NTM: variants seen among roughly 807,000 people sequenced by gnomAD.
The protein encoded by NTM is neurotrimin.
NTM carries 13 observed loss-of-function variants against 42.1 expected under a neutral mutation model. That is an observed-to-expected ratio of 0.31 (90% CI 0.20 to 0.49). The LOEUF (loss-of-function observed/expected upper bound fraction) is 0.49, where lower values mean the gene tolerates loss of function less well. NTM is among the 20% of genes least tolerant of loss of function. The pLI is 0.99. For missense variants in NTM, 373 were observed against 452.8 expected, an observed-to-expected ratio of 0.82 and a Z score of 1.60; for synonymous variants, 187 against 179.2, an observed-to-expected ratio of 1.04 and a Z score of -0.35.
At chr11:131,605,710 C>T (rs746476771) in intron 1 of NTM, 27 of 825,364 alleles carry the variant, frequency 3.3e-5, no homozygotes, top group Non-Finnish European at 3.9e-5. Flanking sequence ...GAGGACGTTT[C>T]TTTCTATTCC....
intron 7 of NTM, among the ~76,000 whole-genome samples, chr11:132,315,619 A>C (rs1040641844): frequency 2.6e-5 from 4 of 152,192 alleles, no homozygotes; most frequent in Non-Finnish European, 5.9e-5. Flanking sequence ...GCAAGAACAC[A>C]AATTCCTTAT....
chr11:131,390,940 G>T (rs1275998665), intron 1 of NTM, among the ~76,000 whole-genome samples: 1 of 152,150 alleles, frequency 6.6e-6, no homozygotes, highest in Non-Finnish European at 1.5e-5. Flanking sequence ...TGCTCACTCA[G>T]GGTTCGTATG....
chr11:131,743,963 C>G (rs1329870406), intron 1 of NTM, among the ~76,000 whole-genome samples: 1 of 152,168 alleles, frequency 6.6e-6, no homozygotes, highest in Non-Finnish European at 1.5e-5. Context: ...TACCAATAAT[C>G]TATCATCAAA....
intron 1 of NTM, among the ~76,000 whole-genome samples, chr11:131,408,139 C>G (rs1459626800): frequency 1.3e-5 from 2 of 152,206 alleles, no homozygotes; most frequent in African/African-American, 4.8e-5. Flanking sequence ...TTATTAATCA[C>G]TGGGTCACTC....
intron 2 of NTM, among the ~76,000 whole-genome samples, chr11:132,026,910 C>T (rs1278128727): frequency 3.3e-5 from 5 of 152,166 alleles, no homozygotes; most frequent in African/African-American, 1.2e-4. Context: ...TTGTTTCTAT[C>T]CTCATGTTCC....
chr11:131,602,504 G>A (rs775105474), intron 1 of NTM, among the ~76,000 whole-genome samples: 24 of 152,134 alleles, frequency 1.6e-4, no homozygotes, highest in Middle Eastern at 3.2e-3. Flanking sequence ...AGTTCCCAGT[G>A]TTTTCCTGGC....
chr11:131,663,299 C>T (rs372448944), intron 1 of NTM: 3 of 152,378 alleles, frequency 2.0e-5, no homozygotes, highest in South Asian at 4.1e-4. Context: ...AAACGCCTGG[C>T]CCCGTCGCTG....
intron 1 of NTM, among the ~76,000 whole-genome samples, chr11:131,894,855 C>A (rs111859525): frequency 6.6e-6 from 1 of 152,318 alleles, no homozygotes; most frequent in Non-Finnish European, 1.5e-5. Flanking sequence ...CTTTCTCTGT[C>A]AGCCTTGCTT....
At position 132,307,830 on chromosome 11, in the gene NTM, G is replaced by A. The variant is rs745473757; in HGVS notation, c.661+7G>A. ...GTAAAGGTCACCGTGAACTGTAAGT[G>A]TTCTCACCACCACGCGCCCTGCACG... On this transcript the variant is annotated splice_region_variant and intron_variant, in intron 5 of 8. Transcript: ENST00000683400. 1.2e-6 allele frequency: 2 copies of A among 1,613,842 alleles called. No individual in the cohort carries two copies. Among genetic ancestry groups the A allele is most frequent in the African/African-American group, 2.7e-5 (2 of 74,934 alleles).
rs1280073576 is a variant in NTM at position 132,146,486 on chromosome 11, G to C, written c.372G>C (p.Lys124Asn). 1 of 1,614,064 alleles carries C rather than the reference G, an allele frequency of 6.2e-7. No individual in the cohort carries two copies. Among genetic ancestry groups the C allele is most frequent in the Non-Finnish European group, 8.5e-7 (1 of 1,180,034 alleles). ...CGGTGCAGACAGACAACCACCCAAA[G>C]ACCTCTAGGGTCCACCTCATTGTGC... ...TCSVQTDNHPKTSRVHLIVQV... is the reference protein window; with the variant it reads ...TCSVQTDNHPNTSRVHLIVQV... The change falls in exon 3 of 9, where the codon AAG (lysine) becomes AAC (asparagine). Residue 124 changes from lysine to asparagine, a missense_variant. Coordinates refer to ENST00000683400, the MANE Select transcript of NTM (RefSeq NM_001352005.2). This position sits in a 1 kb window ranked among gnomAD's most constrained non-coding sequence, Gnocchi z 4.5.
chr11:131,726,063 G>A (rs1048688354), intron 1 of NTM, among the ~76,000 whole-genome samples: 16 of 152,178 alleles, frequency 1.1e-4, no homozygotes, highest in African/African-American at 3.4e-4. Context: ...CCCTCCCAGA[G>A]GAGGTAGATT....
At chr11:131,956,732 G>T (rs1410782404) in intron 2 of NTM, among the ~76,000 whole-genome samples, 1 of 152,106 alleles carries the variant, frequency 6.6e-6, no homozygotes, top group Non-Finnish European at 1.5e-5. Flanking sequence ...TAGCCAGGTA[G>T]CTTGCCAGGG....
intron 1 of NTM, among the ~76,000 whole-genome samples, chr11:131,461,040 A>G (rs1489817932): frequency 6.6e-6 from 1 of 152,192 alleles, no homozygotes; most frequent in Non-Finnish European, 1.5e-5. Context: ...GTATTCTTCA[A>G]ATAGTTTAGA....
intron 1 of NTM, among the ~76,000 whole-genome samples, chr11:131,448,803 C>A (rs1229780043): frequency 6.6e-6 from 1 of 152,206 alleles, no homozygotes; most frequent in Non-Finnish European, 1.5e-5. Context: ...TGTTGGTGAC[C>A]CGGAAGTCAC....
At chr11:131,977,214 G>A (rs771163146) in intron 2 of NTM, among the ~76,000 whole-genome samples, 4 of 152,218 alleles carry the variant, frequency 2.6e-5, no homozygotes, top group Admixed American at 6.5e-5. Flanking sequence ...AAGATAGTTC[G>A]CTGCATTTTT....
intron 1 of NTM, among the ~76,000 whole-genome samples, chr11:131,654,936 T>C (rs2066982699): frequency 6.6e-6 from 1 of 152,258 alleles, no homozygotes; most frequent in African/African-American, 2.4e-5. Flanking sequence ...AATGGATTAA[T>C]CCACCCAGCT....
At position 132,043,958 on chromosome 11, in the gene NTM, ATGTG is replaced by A. The variant is rs71067353; in HGVS notation, c.168-102292_168-102289del. ...CATTTTAAGAAGACAGACACCAACTATGTGTGTGTGTGTGTGTGTGTGTGTGTGT... is the reference window on the plus strand; with the variant it reads ...CATTTTAAGAAGACAGACACCAACTATGTGTGTGTGTGTGTGTGTGTGTGT... On this transcript the variant is annotated intron_variant, in intron 2 of 8. Coordinates refer to ENST00000683400, the MANE Select transcript of NTM (RefSeq NM_001352005.2). Among the ~76,000 whole-genome samples, 616 of 146,350 alleles carry A rather than the reference ATGTG, an allele frequency of 4.2e-3. 4 individuals carry two copies. The highest frequency in any genetic ancestry group is 0.016 in the East Asian group (79 of 4,886).
intron 4 of NTM, among the ~76,000 whole-genome samples, chr11:132,220,708 C>A (rs1490089307): frequency 6.6e-6 from 1 of 152,194 alleles, no homozygotes; most frequent in Non-Finnish European, 1.5e-5. Context: ...CTCCCCCACA[C>A]TCTCCAGAGT....
intron 4 of NTM, among the ~76,000 whole-genome samples, chr11:132,302,085 G>T (rs572828349): frequency 2.0e-5 from 3 of 152,302 alleles, no homozygotes; most frequent in African/African-American, 7.2e-5. Flanking sequence ...TCGATTAGTT[G>T]TAAATGCTAA....
Sources: gnomAD v4.1 joint callset for allele counts (sites outside exome capture counted in the v4.1 genomes callset) on GRCh38, gnomAD v4.1.1 for gene constraint, Gnocchi (gnomAD v3.1) non-coding constraint, MANE v1.5 for transcripts, NCBI Gene and HGNC (gene_info 2026-07-23, HGNC 2026-07-21) for gene names.